The following RALGAPA2 variants were observed in gnomAD, a reference collection of about 807,000 sequenced individuals.
RALGAPA2 encodes the protein Ral GTPase activating protein catalytic subunit alpha 2, also known as ral GTPase-activating protein subunit alpha-2.
A neutral mutation model predicts 230.4 loss-of-function variants in RALGAPA2; 139 were observed. That is an observed-to-expected ratio of 0.60 (90% CI 0.53 to 0.69). The LOEUF is 0.69. RALGAPA2 is among the 30% of genes least tolerant of loss of function. The pLI is 0.00. For missense variants in RALGAPA2, 2,163 were observed against 2,276.0 expected (o/e 0.95, Z 1.01); for synonymous variants, 847 against 837.8 (o/e 1.01, Z -0.19).
At chr20:20,645,653 G>A (rs1304381337) in intron 4 of RALGAPA2, among the ~76,000 whole-genome samples, 2 of 152,150 alleles carry the variant, frequency 1.3e-5, no homozygotes, top group East Asian at 1.9e-4. Flanking sequence ...TGAAAAACTC[G>A]TTTGTACATG....
chr20:20,592,100 C>T (rs2146109682), intron 16 of RALGAPA2, among the ~76,000 whole-genome samples: 1 of 152,278 alleles, frequency 6.6e-6, no homozygotes, highest in South Asian at 2.1e-4. Context: ...AGGGTTGCAC[C>T]ACCTTTTACG....
intron 24 of RALGAPA2, 140 bp from the exon 25 acceptor site, chr20:20,536,924 CAA>C (rs1463766676): frequency 9.9e-7 from 1 of 1,013,332 alleles, no homozygotes; most frequent in East Asian, 2.9e-5. Context: ...CATATTTAAG[CAA>C]AAGAGGTTTG....
intron 13 of RALGAPA2, among the ~76,000 whole-genome samples, chr20:20,612,613 C>T (rs1465700411): frequency 6.6e-6 from 1 of 152,152 alleles, no homozygotes; most frequent in Admixed American, 6.5e-5. Context: ...TGTTGTTATA[C>T]ATTCTCACTG....
intron 31 of RALGAPA2, 74 bp from the exon 32 acceptor site, chr20:20,513,358 T>TG (rs1337046843): frequency 1.9e-6 from 2 of 1,025,974 alleles, no homozygotes; most frequent in Non-Finnish European, 2.5e-6. Context: ...TTTTTTTGGG[T>TG]GGGGGGCAGG....
In RALGAPA2 at chr20:20,458,875, TACAC is replaced by T. The variant is rs1278682594; in HGVS notation, c.5495+13950_5495+13953del. Among the ~76,000 whole-genome samples, 373 of 120,140 alleles carry T rather than the reference TACAC, an allele frequency of 3.1e-3. 6 individuals carry two copies. The highest frequency in any genetic ancestry group is 0.012 in the African/African-American group (350 of 29,362). 78.8% of individuals were successfully genotyped at this position (120,140 alleles called of 152,430 possible). A position where few individuals can be genotyped will look rare whatever the true frequency, so the allele number is the denominator to read the frequency against. ...ATAGACCTATATATATATATATATA[TACAC>T]ACACACAAATAAATAAAATATATAT... On this transcript the variant is annotated intron_variant, in intron 37 of 39. Coordinates refer to ENST00000202677, the MANE Select transcript of RALGAPA2 (RefSeq NM_020343.4).
intron 37 of RALGAPA2, among the ~76,000 whole-genome samples, chr20:20,439,584 T>C (rs2060691395): frequency 1.3e-5 from 2 of 152,282 alleles, no homozygotes; most frequent in Non-Finnish European, 2.9e-5. Flanking sequence ...TTCTCATTTC[T>C]ATTTTCCCAT....
chr20:20,421,850 A>G (rs1032036497), intron 37 of RALGAPA2, among the ~76,000 whole-genome samples: 3 of 152,242 alleles, frequency 2.0e-5, no homozygotes, highest in African/African-American at 7.2e-5. Flanking sequence ...TAGGAGCATT[A>G]TTATTTACAG....
chr20:20,691,585 G>A (rs1286192980), intron 1 of RALGAPA2, among the ~76,000 whole-genome samples: 1 of 152,090 alleles, frequency 6.6e-6, no homozygotes, highest in Non-Finnish European at 1.5e-5. Flanking sequence ...AGTCCAATCA[G>A]GCTTTGACAC....
chr20:20,648,082 C>T (rs2067275514), intron 4 of RALGAPA2, among the ~76,000 whole-genome samples: 1 of 152,124 alleles, frequency 6.6e-6, no homozygotes, highest in Non-Finnish European at 1.5e-5. Flanking sequence ...AGAAACAATC[C>T]AAATGACCAT....
At chr20:20,684,457 G>A (rs2068631541) in intron 1 of RALGAPA2, among the ~76,000 whole-genome samples, 1 of 152,170 alleles carries the variant, frequency 6.6e-6, no homozygotes. Context: ...ACACTGAGAT[G>A]TCCTCATGAG....
Position 20,629,425 on chromosome 20 carries a change from C to A in RALGAPA2, c.1171G>T (p.Val391Leu). Reference sequence around the variant, plus strand: ...CGTGTTGACAAGAGAATCCGCTGTACCATTTCATACACCATTCGGTGCTCT... The same window carrying A: ...CGTGTTGACAAGAGAATCCGCTGTAACATTTCATACACCATTCGGTGCTCT... ...EEEHRMVYEM[V>L]QRILLSTRGY... Residue 391 changes from valine (V) to leucine (L), a missense_variant, in exon 10 of 40, where the codon GTA becomes TTA. By Grantham distance (32) the Val-to-Leu change is conservative. Coordinates refer to ENST00000202677, the MANE Select transcript of RALGAPA2 (RefSeq NM_020343.4). 6.2e-7 allele frequency: 1 copy of A among 1,613,692 alleles called. No homozygotes were observed. Among genetic ancestry groups the A allele is most frequent in the East Asian group, 2.2e-5 (1 of 44,854 alleles).
intron 20 of RALGAPA2, among the ~76,000 whole-genome samples, chr20:20,580,843 GTTTATTATT>G (rs2064963403): frequency 2.0e-5 from 3 of 152,170 alleles, no homozygotes; most frequent in Non-Finnish European, 4.4e-5. Context: ...TTTGGAGGCA[GTTTATTATT>G]CTAAGCATTT....
At chr20:20,658,995 G>A (rs898146450) in intron 3 of RALGAPA2, among the ~76,000 whole-genome samples, 1 of 152,218 alleles carries the variant, frequency 6.6e-6, no homozygotes, top group Non-Finnish European at 1.5e-5. Context: ...TCTGAAAGCA[G>A]AGTGTGGGGA....
At chr20:20,490,147 T>G (rs191711911) in intron 36 of RALGAPA2, among the ~76,000 whole-genome samples, 121 of 152,306 alleles carry the variant, frequency 7.9e-4, no homozygotes, top group African/African-American at 2.5e-3. Context: ...TAAATAAACG[T>G]TCTTTAGTAT....
In RALGAPA2 at chr20:20,505,546, TA is replaced by T. The variant is rs1349717164; in HGVS notation, c.4929-13del. 1.3e-6 allele frequency: 2 copies of T among 1,550,294 alleles called. No individual in the cohort carries two copies. The highest frequency in any genetic ancestry group is 1.7e-6 in the Non-Finnish European group (2 of 1,151,924). Reference sequence around the variant, plus strand: ...TGTGTGTCTCACGGCTATAAATTTTTAAATTTAAAGGAGTTAGAATTCTTAT... The same window carrying T: ...TGTGTGTCTCACGGCTATAAATTTTTAATTTAAAGGAGTTAGAATTCTTAT... On this transcript the variant is annotated splice_polypyrimidine_tract_variant and intron_variant, in intron 33 of 39. Transcript: ENST00000202677.
chr20:20,686,433 CT>C (rs1277628747), intron 1 of RALGAPA2, among the ~76,000 whole-genome samples: 1 of 151,778 alleles, frequency 6.6e-6, no homozygotes, highest in African/African-American at 2.4e-5. Flanking sequence ...GTAATCCCAG[CT>C]ACTCGGGAGG....
At chr20:20,505,222 C>T in intron 34 of RALGAPA2, 189 bp downstream of exon 34, 1 of 962,744 alleles carries the variant, frequency 1.0e-6, no homozygotes, top group Non-Finnish European at 1.2e-6. Flanking sequence ...TAAAGGAAAA[C>T]AAAAGTTCAT....
At chr20:20,401,342 G>A (rs2059832048) in intron 38 of RALGAPA2, among the ~76,000 whole-genome samples, 2 of 152,108 alleles carry the variant, frequency 1.3e-5, no homozygotes, top group Admixed American at 1.3e-4. Context: ...GGGAATGAGG[G>A]CAGCTGTGAG....
intron 16 of RALGAPA2, among the ~76,000 whole-genome samples, chr20:20,600,200 G>A (rs1050877372): frequency 4.6e-5 from 7 of 152,102 alleles, no homozygotes; most frequent in African/African-American, 1.7e-4. Flanking sequence ...GGAGGCTGAG[G>A]CAGGAGAATC....
Sources: gnomAD v4.1 joint callset for allele counts (sites outside exome capture counted in the v4.1 genomes callset) on GRCh38, gnomAD v4.1.1 for gene constraint, MANE v1.5 for transcripts, NCBI Gene and HGNC (gene_info 2026-07-23, HGNC 2026-07-21) for gene names.